Variants in USP31 observed in about 807,000 individuals in gnomAD.
USP31 encodes ubiquitin carboxyl-terminal hydrolase 31.
Under a neutral mutation model 119.4 loss-of-function variants are expected in USP31, and 44 were observed. The ratio of observed to expected loss-of-function variants is 0.37; its 90% confidence interval spans 0.29 to 0.47. USP31 has a LOEUF of 0.47. Among genes scored for constraint, USP31 ranks in the 20% least tolerant of loss-of-function variants. The pLI is 0.99. For synonymous variants in USP31, 749 were observed against 705.6 expected, an observed-to-expected ratio of 1.06 and a Z score of -0.97; for missense variants, 1,643 against 1,730.2, an observed-to-expected ratio of 0.95 and a Z score of 0.89.
intron 6 of USP31, among the ~76,000 whole-genome samples, chr16:23,094,969 T>A (rs181410884): frequency 6.6e-6 from 1 of 152,160 alleles, no homozygotes; most frequent in African/African-American, 2.4e-5. Context: ...TCGCAGTTCC[T>A]CGCCAGCAAT....
intron 1 of USP31, among the ~76,000 whole-genome samples, chr16:23,127,342 C>T (rs954995860): frequency 4.2e-5 from 6 of 141,672 alleles, no homozygotes; most frequent in Admixed American, 2.9e-4. Flanking sequence ...ATCACTTGAG[C>T]CTGGGAGGTA....
chr16:23,095,453 A>G (rs576542453), intron 6 of USP31, among the ~76,000 whole-genome samples: 2 of 152,346 alleles, frequency 1.3e-5, no homozygotes, highest in African/African-American at 4.8e-5. Context: ...AACTTCCCCA[A>G]CCTAGCAAGG....
intron 1 of USP31, among the ~76,000 whole-genome samples, chr16:23,143,594 GGA>G (rs11369711): frequency 0.017 from 2,498 of 150,042 alleles, 33 homozygotes; most frequent in Non-Finnish European, 0.023. Flanking sequence ...TTGGGGGGGG[GGA>G]GAGAGAGAGA....
chr16:23,076,479 T>A (rs552691753), intron 13 of USP31, among the ~76,000 whole-genome samples: 2 of 152,138 alleles, frequency 1.3e-5, no homozygotes, highest in African/African-American at 2.4e-5. Flanking sequence ...AATGGGTTCC[T>A]TGAGGTCAGC....
At chr16:23,080,592 G>C (rs1031717000) in intron 12 of USP31, among the ~76,000 whole-genome samples, 7 of 152,160 alleles carry the variant, frequency 4.6e-5, no homozygotes, top group Non-Finnish European at 7.3e-5. Flanking sequence ...AGCAGTGCCT[G>C]TTCCCCTCCA....
chr16:23,095,010 T>C (rs1333949496), intron 6 of USP31, among the ~76,000 whole-genome samples: 1 of 152,114 alleles, frequency 6.6e-6, no homozygotes, highest in Admixed American at 6.6e-5. Context: ...ATGACTTTGA[T>C]GAGTTGACAG....
At chr16:23,140,565 C>T (rs187930035) in intron 1 of USP31, among the ~76,000 whole-genome samples, 1 of 152,330 alleles carries the variant, frequency 6.6e-6, no homozygotes, top group Admixed American at 6.5e-5. Flanking sequence ...AATGTCGTCT[C>T]TCTTCCCCTT....
intron 13 of USP31, 136 bp downstream of exon 13, chr16:23,079,810 G>T: frequency 1.3e-6 from 1 of 756,932 alleles, no homozygotes; most frequent in Non-Finnish European, 2.0e-6. Context: ...GAGATCCAGA[G>T]GATGGAAACT....
At chr16:23,102,233 A>C in intron 6 of USP31, 86 bp downstream of exon 6, 1 of 1,343,320 alleles carries the variant, frequency 7.4e-7, no homozygotes, top group South Asian at 1.9e-5. Context: ...AAAAATGTAT[A>C]TCATTATATA....
intron 1 of USP31, among the ~76,000 whole-genome samples, chr16:23,112,062 CT>C (rs1291144314): frequency 6.6e-6 from 1 of 152,148 alleles, no homozygotes. Flanking sequence ...GGAGGTGTCA[CT>C]GACACAACTT....
intron 15 of USP31, among the ~76,000 whole-genome samples, chr16:23,070,670 C>T (rs975557854): frequency 2.6e-5 from 4 of 151,196 alleles, no homozygotes; most frequent in Non-Finnish European, 4.4e-5. Context: ...GCCGAGATCG[C>T]GCCACTACAC....
Position 23,067,804 on chromosome 16 carries a change from A to T in USP31, c.*242T>A. 2.2e-6 allele frequency: 1 copy of T among 444,764 alleles called. No homozygotes were observed. The highest frequency in any genetic ancestry group is 3.9e-6 in the Non-Finnish European group (1 of 254,728). The allele number at this position is 444,764 out of a possible 1,614,324, so 27.6% of individuals were successfully genotyped here. ...CCTGGGTATCGTCTACAATTATTCC[A>T]GTTAGCTTGGTGTCAATGTTTTGCC... is the stretch of plus-strand genomic sequence containing the variant. On this transcript the variant is annotated 3_prime_UTR_variant, in exon 16 of 16. Transcript: ENST00000219689.
At position 23,069,194 on chromosome 16, in the gene USP31, C is replaced by G; in HGVS notation, c.2911G>C (p.Ala971Pro). Reference sequence around the variant, plus strand: ...AGCGGGGGCAGGCGGTCCCCTTGTGCTGAATGTTTGCTCTGTGTATCTACG... The same window carrying G: ...AGCGGGGGCAGGCGGTCCCCTTGTGGTGAATGTTTGCTCTGTGTATCTACG... ...SVVDTQSKHS[A>P]QGDRLPPLSG... The change falls in exon 16 of 16, where the codon GCA (alanine) becomes CCA (proline). Residue 971 changes from alanine to proline, a missense_variant. Around this residue, in one of 5 missense-constraint regions of USP31, gnomAD observed 699 missense variants for 650.9 expected, o/e 1.07. Coordinates refer to ENST00000219689, the MANE Select transcript of USP31 (RefSeq NM_020718.4). 1 of 1,614,168 alleles carries G rather than the reference C, an allele frequency of 6.2e-7. No individual in the cohort carries two copies. Among genetic ancestry groups the G allele is most frequent in the Non-Finnish European group, 8.5e-7 (1 of 1,180,050 alleles).
intron 7 of USP31, among the ~76,000 whole-genome samples, chr16:23,089,281 T>TCCC (rs1177191133): frequency 6.6e-6 from 1 of 152,110 alleles, no homozygotes; most frequent in Non-Finnish European, 1.5e-5. Context: ...TTCCCTGACC[T>TCCC]CCCTTCCTAA....
At position 23,068,382 on chromosome 16, in the gene USP31, C is replaced by T. The variant is rs766666203; in HGVS notation, c.3723G>A (p.Ser1241=). 58 of 1,613,944 alleles carry T rather than the reference C, an allele frequency of 3.6e-5. No homozygotes were observed. Among genetic ancestry groups the T allele is most frequent in the Admixed American group, 2.2e-4 (13 of 60,008 alleles). The change falls in exon 16 of 16, where the codon TCG becomes TCA. Residue 1241 remains serine (S), a synonymous_variant. Transcript: ENST00000219689. ...GCAAGGCTGTCTTGCCAAGATCCGT[C>T]GAGCGCCGGGTTTCCTTCTGTCTCA... ...SALRQKETRR[S]TDLGKTALLS...
chr16:23,113,261 C>T (rs181518387), intron 1 of USP31, among the ~76,000 whole-genome samples: 4 of 152,252 alleles, frequency 2.6e-5, no homozygotes, highest in Admixed American at 2.6e-4. Context: ...AACATGATCC[C>T]AAGTGAGGTT....
At chr16:23,134,875 TA>T (rs1226997073) in intron 1 of USP31, among the ~76,000 whole-genome samples, 3 of 134,538 alleles carry the variant, frequency 2.2e-5, no homozygotes, top group African/African-American at 8.3e-5. Flanking sequence ...ACCAAATGTT[TA>T]AAGTTGTTAC....
intron 13 of USP31, among the ~76,000 whole-genome samples, chr16:23,074,478 T>C (rs1900477417): frequency 6.6e-6 from 1 of 152,252 alleles, no homozygotes; most frequent in South Asian, 2.1e-4. Flanking sequence ...GCATCTCATT[T>C]AATCCTCAGA....
intron 1 of USP31, among the ~76,000 whole-genome samples, chr16:23,126,558 T>C (rs1596730014): frequency 7.1e-6 from 1 of 141,152 alleles, no homozygotes; most frequent in Non-Finnish European, 1.5e-5. Context: ...ACCCGGGAGG[T>C]GGGGCTTGCA....
Sources: allele counts gnomAD v4.1 joint callset (sites outside exome capture counted in the v4.1 genomes callset), GRCh38; gene constraint gnomAD v4.1.1; regional missense constraint gnomAD v4.1.1; transcripts MANE v1.5; gene names NCBI Gene and HGNC (gene_info 2026-07-23, HGNC 2026-07-21).